Variants in PRKG1 observed in about 807,000 individuals in gnomAD.
The protein encoded by PRKG1 is protein kinase cGMP-dependent 1.
Under a neutral mutation model 88.1 loss-of-function variants are expected in PRKG1, and 35 were observed. That is an observed-to-expected ratio of 0.40 (90% CI 0.30 to 0.53). PRKG1 has a LOEUF of 0.53. Ranked by LOEUF, PRKG1 falls within the 20% of genes least tolerant of loss-of-function variation. PRKG1 has a pLI of 0.59. For synonymous variants in PRKG1, 303 were observed against 292.5 expected (o/e 1.04, Z -0.37); for missense variants, 540 against 839.8 (o/e 0.64, Z 4.41).
At chr10:52,027,670 G>A (rs1274348951) in intron 5 of PRKG1, among the ~76,000 whole-genome samples, 1 of 152,156 alleles carries the variant, frequency 6.6e-6, no homozygotes, top group Non-Finnish European at 1.5e-5. Context: ...TGCTGCTTTG[G>A]AAAATGTGTC....
chr10:52,081,382 A>G (rs1199983296), intron 7 of PRKG1, among the ~76,000 whole-genome samples: 1 of 152,184 alleles, frequency 6.6e-6, no homozygotes, highest in African/African-American at 2.4e-5. Context: ...TATAAGTGTT[A>G]AATGAGAGAA....
At chr10:52,221,006 CACTCCCACCA>C (rs1420093516) in intron 9 of PRKG1, among the ~76,000 whole-genome samples, 3 of 152,100 alleles carry the variant, frequency 2.0e-5, no homozygotes, top group South Asian at 2.1e-4. Flanking sequence ...AACTAATTTA[CACTCCCACCA>C]ACAGTGTATA....
At chr10:51,309,725 C>A (rs1420035411) in intron 2 of PRKG1, among the ~76,000 whole-genome samples, 1 of 152,054 alleles carries the variant, frequency 6.6e-6, no homozygotes, top group Non-Finnish European at 1.5e-5. Flanking sequence ...CCATTCAAAC[C>A]AGCAATACCA....
chr10:51,335,271 T>C (rs535663708), intron 2 of PRKG1, among the ~76,000 whole-genome samples: 1 of 152,206 alleles, frequency 6.6e-6, no homozygotes, highest in African/African-American at 2.4e-5. Context: ...ATCTGTAATA[T>C]TTTAGTTTAT....
intron 2 of PRKG1, among the ~76,000 whole-genome samples, chr10:51,199,966 G>A (rs997369041): frequency 3.3e-5 from 5 of 152,056 alleles, no homozygotes; most frequent in African/African-American, 9.7e-5. Flanking sequence ...GATTCTCTAC[G>A]TGTTATTTAA....
intron 2 of PRKG1, among the ~76,000 whole-genome samples, chr10:51,229,926 C>CAAAAAAAA (rs35300789): frequency 1.5e-4 from 5 of 33,364 alleles, no homozygotes; most frequent in African/African-American, 4.2e-4. Flanking sequence ...GAGGCGATCT[C>CAAAAAAAA]AAAAAAAAAA....
chr10:51,537,023 T>C (rs1458715750), intron 3 of PRKG1, among the ~76,000 whole-genome samples: 1 of 152,190 alleles, frequency 6.6e-6, no homozygotes, highest in African/African-American at 2.4e-5. Context: ...CCATCTTGAA[T>C]TGACTTTTGT....
At chr10:52,184,932 AC>A (rs1170513494) in intron 9 of PRKG1, 2 of 152,076 alleles carry the variant, frequency 1.3e-5, no homozygotes, top group African/African-American at 4.8e-5. Flanking sequence ...TGATCCAGTC[AC>A]CTCCTACCAG....
In PRKG1 at chr10:51,296,329, T is replaced by C. The variant is rs536564103; in HGVS notation, c.478+142999T>C. ...CCTGAGCTTTTCTTTTTTGAGACAC[T>C]TTTGATTACGGACTGAAATAAATGT... On this transcript the variant is annotated intron_variant, in intron 2 of 17. Coordinates refer to ENST00000373980, the MANE Select transcript of PRKG1 (RefSeq NM_006258.4). 2.6e-5 allele frequency among the ~76,000 whole-genome samples: 4 copies of C among 152,216 alleles called. No individual in the cohort carries two copies. The South Asian group carries it at 8.3e-4, about 32-fold the overall frequency.
At position 51,659,448 on chromosome 10, in the gene PRKG1, A is replaced by G. The variant is rs987889576; in HGVS notation, c.593-145137A>G. 3.0e-4 allele frequency among the ~76,000 whole-genome samples: 45 copies of G among 152,238 alleles called. 1 individual carries two copies. The highest frequency in any genetic ancestry group is 1.1e-3 in the African/African-American group (45 of 41,556). ...GGAGAACAGCATGAGCTAATACCCA[A>G]GGAGATTAATAATCTATAACAAATG... On this transcript the variant is annotated intron_variant, in intron 3 of 17. Coordinates refer to ENST00000373980, the MANE Select transcript of PRKG1 (RefSeq NM_006258.4).
intron 9 of PRKG1, among the ~76,000 whole-genome samples, chr10:52,201,795 T>C (rs1388983318): frequency 6.6e-6 from 1 of 152,146 alleles, no homozygotes; most frequent in Non-Finnish European, 1.5e-5. Flanking sequence ...TTCCTAGGTA[T>C]TTTATTTTTT....
At chr10:51,037,136 C>T (rs771381861) in intron 1 of PRKG1, among the ~76,000 whole-genome samples, 1 of 152,044 alleles carries the variant, frequency 6.6e-6, no homozygotes, top group Non-Finnish European at 1.5e-5. Flanking sequence ...ATTTTACCAA[C>T]ACCTGAAGGA....
At chr10:51,126,060 A>G (rs1163307185) in intron 1 of PRKG1, among the ~76,000 whole-genome samples, 3 of 122,860 alleles carry the variant, frequency 2.4e-5, no homozygotes, top group Non-Finnish European at 4.7e-5. Flanking sequence ...ATAATTATAT[A>G]TAATATACTA....
intron 3 of PRKG1, among the ~76,000 whole-genome samples, chr10:51,723,421 A>C (rs1315117053): frequency 6.6e-6 from 1 of 152,186 alleles, no homozygotes; most frequent in Non-Finnish European, 1.5e-5. Context: ...GAATTGAACA[A>C]CAAGAGCACA....
intron 7 of PRKG1, among the ~76,000 whole-genome samples, chr10:52,075,907 A>G (rs1315055048): frequency 3.3e-5 from 5 of 152,128 alleles, no homozygotes; most frequent in Non-Finnish European, 5.9e-5. Flanking sequence ...ACCTCATCTA[A>G]ACCTAAGGAT....
chr10:51,203,129 C>G (rs538086882), intron 2 of PRKG1, among the ~76,000 whole-genome samples: 2 of 152,056 alleles, frequency 1.3e-5, no homozygotes, highest in South Asian at 4.2e-4. Context: ...TCTCAAGGAT[C>G]TTGGGCCTAC....
intron 3 of PRKG1, among the ~76,000 whole-genome samples, chr10:51,644,056 A>T (rs981209245): frequency 1.3e-5 from 2 of 152,192 alleles, no homozygotes; most frequent in Non-Finnish European, 2.9e-5. Context: ...TCTCTAAAAG[A>T]TGAGTTCCCT....
chr10:51,390,550 AAAT>A (rs1837369420), intron 2 of PRKG1, among the ~76,000 whole-genome samples: 1 of 152,232 alleles, frequency 6.6e-6, no homozygotes, highest in South Asian at 2.1e-4. Flanking sequence ...GTGTACCTAT[AAAT>A]ATCATTGCAA....
intron 5 of PRKG1, among the ~76,000 whole-genome samples, chr10:52,006,785 GA>G (rs1229499285): frequency 3.9e-5 from 6 of 152,124 alleles, no homozygotes; most frequent in Non-Finnish European, 8.8e-5. Flanking sequence ...AACCCTGTGA[GA>G]TATTACATAA....
Sources: gnomAD v4.1 joint callset for allele counts (sites outside exome capture counted in the v4.1 genomes callset) on GRCh38, gnomAD v4.1.1 for gene constraint, MANE v1.5 for transcripts, NCBI Gene and HGNC (gene_info 2026-07-23, HGNC 2026-07-21) for gene names.